Variants in CCDC201 observed in about 807,000 individuals in gnomAD.
CCDC201 encodes coiled-coil domain-containing protein 201.
intron 1 of CCDC201, among the ~76,000 whole-genome samples, chr7:45,872,402 C>A (rs1786751775): frequency 6.6e-6 from 1 of 152,188 alleles, no homozygotes; most frequent in South Asian, 2.1e-4. Flanking sequence ...TGCAGGATGG[C>A]ATTTCCTTTT....
At chr7:45,868,503 A>T (rs1402178949) in intron 1 of CCDC201, among the ~76,000 whole-genome samples, 1 of 152,178 alleles carries the variant, frequency 6.6e-6, no homozygotes. Context: ...ACTGGCTGAC[A>T]TAGAAGAGAT....
chr7:45,863,977 C>A (rs1786634501), intron 2 of CCDC201, among the ~76,000 whole-genome samples: 1 of 152,128 alleles, frequency 6.6e-6, no homozygotes, highest in African/African-American at 2.4e-5. Flanking sequence ...TGCTGGCCAG[C>A]AGAGAGGGCC....
At chr7:45,874,838 T>C (rs765698880), upstream of CCDC201, among the ~76,000 whole-genome samples, 17 of 152,168 alleles carry the variant, frequency 1.1e-4, no homozygotes, top group Non-Finnish European at 2.4e-4. Flanking sequence ...GGAGTGCAAG[T>C]TGGTGTGAAT....
chr7:45,871,907 G>A (rs1189942984), intron 1 of CCDC201, among the ~76,000 whole-genome samples: 1 of 152,130 alleles, frequency 6.6e-6, no homozygotes, highest in South Asian at 2.1e-4. Context: ...GAGGAAACTG[G>A]AACACCTTCT....
At chr7:45,869,201 G>GA (rs796941959) in intron 1 of CCDC201, among the ~76,000 whole-genome samples, 2 of 151,924 alleles carry the variant, frequency 1.3e-5, no homozygotes, top group African/African-American at 4.8e-5. Context: ...GAAGAGGTTT[G>GA]AAAAAAAATG....
At chr7:45,880,983 G>A in the CCDC201 span, among the ~76,000 whole-genome samples, 11,115 of 152,128 alleles carry the variant, frequency 0.073, 676 homozygotes, top group African/African-American at 0.16. Context: ...GAGTTCACGG[G>A]GCCAAACTGG....
chr7:45,874,257 C>A (rs1786775667), upstream of CCDC201, among the ~76,000 whole-genome samples: 1 of 152,158 alleles, frequency 6.6e-6, no homozygotes, highest in South Asian at 2.1e-4. Context: ...AGTTGTGGGG[C>A]AAATTGCTGG....
chr7:45,881,209 T>C, the CCDC201 span, among the ~76,000 whole-genome samples: 1 of 152,016 alleles, frequency 6.6e-6, no homozygotes, highest in Non-Finnish European at 1.5e-5. Flanking sequence ...CTCCTGGGAG[T>C]GAGCAACAGG....
the CCDC201 span, among the ~76,000 whole-genome samples, chr7:45,884,903 C>T: frequency 3.9e-5 from 6 of 152,100 alleles, no homozygotes; most frequent in Non-Finnish European, 8.8e-5. Flanking sequence ...AGCTCAGTAC[C>T]TGCCCTACAT....
the CCDC201 span, among the ~76,000 whole-genome samples, chr7:45,880,222 T>G: frequency 5.6e-3 from 858 of 152,368 alleles, 3 homozygotes; most frequent in Non-Finnish European, 9.6e-3. Context: ...GAGTTATTTT[T>G]TATTATTTTA....
At chr7:45,873,595 C>A (rs1159870987), upstream of CCDC201, among the ~76,000 whole-genome samples, 1 of 152,176 alleles carries the variant, frequency 6.6e-6, no homozygotes, top group Non-Finnish European at 1.5e-5. Context: ...GGGCAGGGAC[C>A]CGTGATTGGT....
At chr7:45,874,252 T>TGGGGC (rs1786775624), upstream of CCDC201, among the ~76,000 whole-genome samples, 1 of 152,196 alleles carries the variant, frequency 6.6e-6, no homozygotes, top group African/African-American at 2.4e-5. Flanking sequence ...CCCATAGTTG[T>TGGGGC]GGGGCAAATT....
intron 2 of CCDC201, among the ~76,000 whole-genome samples, chr7:45,865,168 G>A (rs1199765731): frequency 2.0e-5 from 3 of 152,212 alleles, no homozygotes; most frequent in Non-Finnish European, 4.4e-5. Flanking sequence ...CAGGAAATGG[G>A]CGAGGAGGCA....
At chr7:45,882,965 G>A in the CCDC201 span, among the ~76,000 whole-genome samples, 507 of 152,260 alleles carry the variant, frequency 3.3e-3, 5 homozygotes, top group African/African-American at 0.012. Flanking sequence ...TGCCTGTATG[G>A]TATGGCAGGA....
chr7:45,867,253 C>T (rs1583652834), intron 1 of CCDC201, among the ~76,000 whole-genome samples: 2 of 152,272 alleles, frequency 1.3e-5, no homozygotes, highest in Non-Finnish European at 1.5e-5. Context: ...CACACACATG[C>T]GTGCTCCTAA....
the CCDC201 span, among the ~76,000 whole-genome samples, chr7:45,879,872 G>A: frequency 4.6e-5 from 7 of 152,268 alleles, no homozygotes; most frequent in African/African-American, 1.7e-4. Flanking sequence ...GATCACTTGA[G>A]GTCAGGAGTT....
chr7:45,867,168 T>A lies in CCDC201; in HGVS notation c.19-674A>T, dbSNP rs141423713. ...TGTGCCTCTGCAGTGCCCCTTGAAG[T>A]CTGTCCATGTTAAAGTGACCTGACA... On this transcript the variant is annotated intron_variant, in intron 1 of 2. Transcript: ENST00000636578. Among the ~76,000 whole-genome samples the A allele has an allele frequency of 3.8e-3, 585 of 152,284 alleles. 5 individuals are homozygous for A. Among genetic ancestry groups the A allele is most frequent in the African/African-American group, 0.014 (565 of 41,572 alleles).
At chr7:45,875,722 GC>G (rs1368795563), upstream of CCDC201, among the ~76,000 whole-genome samples, 2 of 152,214 alleles carry the variant, frequency 1.3e-5, no homozygotes, top group Admixed American at 1.3e-4. Flanking sequence ...GAGTGAAGCA[GC>G]GGGGGCTGCT....
intron 1 of CCDC201, among the ~76,000 whole-genome samples, chr7:45,866,872 C>G (rs758935943): frequency 6.6e-6 from 1 of 152,042 alleles, no homozygotes; most frequent in Non-Finnish European, 1.5e-5. Context: ...GACTTGTAGA[C>G]TCACAACATA....
Sources: allele counts gnomAD v4.1 joint callset (sites outside exome capture counted in the v4.1 genomes callset), GRCh38; gene constraint gnomAD v4.1.1; transcripts MANE v1.5; gene names NCBI Gene and HGNC (gene_info 2026-07-23, HGNC 2026-07-21).